KCNH8: variants seen among roughly 807,000 people sequenced by gnomAD.
KCNH8 encodes the protein voltage-gated delayed rectifier potassium channel KCNH8.
In KCNH8, 70 loss-of-function variants were observed where a neutral mutation model predicts 103.6. The observed-to-expected ratio is 0.68, with a 90% CI of 0.56 to 0.82. The LOEUF (loss-of-function observed/expected upper bound fraction) is 0.82. Ranked by LOEUF, KCNH8 falls within the 40% of genes least tolerant of loss-of-function variation. KCNH8 has a pLI of 0.00. For missense variants in KCNH8, 1,217 were observed against 1,329.9 expected (o/e 0.92, Z 1.32); for synonymous variants, 498 against 489.4 (o/e 1.02, Z -0.23).
intron 7 of KCNH8, among the ~76,000 whole-genome samples, chr3:19,423,182 A>C (rs1222939690): frequency 6.6e-6 from 1 of 152,096 alleles, no homozygotes; most frequent in Non-Finnish European, 1.5e-5. Flanking sequence ...CATGACCCTA[A>C]GATAAATCCT....
chr3:19,270,492 G>C (rs1575484160), intron 2 of KCNH8, among the ~76,000 whole-genome samples: 1 of 152,162 alleles, frequency 6.6e-6, no homozygotes, highest in African/African-American at 2.4e-5. Context: ...GGTGTCTGGT[G>C]AGTAACGCAA....
intron 3 of KCNH8, among the ~76,000 whole-genome samples, chr3:19,293,223 C>A (rs1301833534): frequency 6.6e-6 from 1 of 152,140 alleles, no homozygotes; most frequent in Non-Finnish European, 1.5e-5. Flanking sequence ...TCAGGGCCAT[C>A]TGGTCTCAGA....
chr3:19,399,337 G>T (rs1271707261), intron 7 of KCNH8, among the ~76,000 whole-genome samples: 1 of 151,838 alleles, frequency 6.6e-6, no homozygotes, highest in African/African-American at 2.4e-5. Flanking sequence ...AGTAGACCTT[G>T]CATGTTTTCT....
At chr3:19,278,124 G>T (rs1237751950) in intron 2 of KCNH8, among the ~76,000 whole-genome samples, 1 of 152,094 alleles carries the variant, frequency 6.6e-6, no homozygotes, top group Non-Finnish European at 1.5e-5. Flanking sequence ...CATAAGAGGT[G>T]AAAGGTGTCA....
At chr3:19,169,425 T>G (rs1471928265) in intron 1 of KCNH8, among the ~76,000 whole-genome samples, 3 of 152,072 alleles carry the variant, frequency 2.0e-5, no homozygotes, top group Non-Finnish European at 2.9e-5. Flanking sequence ...TTTTTGTATT[T>G]TTAGTAGAGA....
At chr3:19,170,093 T>C (rs1396033137) in intron 1 of KCNH8, among the ~76,000 whole-genome samples, 2 of 152,248 alleles carry the variant, frequency 1.3e-5, no homozygotes, top group Non-Finnish European at 2.9e-5. Context: ...TTTCACTTTA[T>C]GTTAATATTT....
At chr3:19,313,216 A>G (rs889315949) in intron 3 of KCNH8, among the ~76,000 whole-genome samples, 8 of 151,716 alleles carry the variant, frequency 5.3e-5, no homozygotes, top group Admixed American at 1.3e-4. Context: ...GGGGCTTAGG[A>G]TTATTTATGG....
chr3:19,192,285 C>T (rs1256841354), intron 1 of KCNH8, among the ~76,000 whole-genome samples: 1 of 151,680 alleles, frequency 6.6e-6, no homozygotes, highest in Non-Finnish European at 1.5e-5. Flanking sequence ...AGACTTCCTA[C>T]TTTGATAGAA....
intron 15 of KCNH8, among the ~76,000 whole-genome samples, chr3:19,524,431 T>C (rs1301258568): frequency 6.6e-6 from 1 of 151,956 alleles, no homozygotes; most frequent in Non-Finnish European, 1.5e-5. Flanking sequence ...TTTGTGGACA[T>C]AGGCTTTTAA....
At chr3:19,435,628 G>A (rs988240245) in intron 7 of KCNH8, among the ~76,000 whole-genome samples, 1 of 152,076 alleles carries the variant, frequency 6.6e-6, no homozygotes, top group Admixed American at 6.6e-5. Context: ...TGAATTATAG[G>A]TGTGATTAAG....
chr3:19,200,450 A>C (rs1383271244), intron 1 of KCNH8, among the ~76,000 whole-genome samples: 2 of 152,126 alleles, frequency 1.3e-5, no homozygotes, highest in Non-Finnish European at 2.9e-5. Context: ...AAAGCCCTGA[A>C]TATTATGCCA....
At chr3:19,173,104 G>A (rs1453432946) in intron 1 of KCNH8, among the ~76,000 whole-genome samples, 1 of 152,180 alleles carries the variant, frequency 6.6e-6, no homozygotes, top group South Asian at 2.1e-4. Flanking sequence ...TTTGAAAACT[G>A]CAGATTCCCA....
chr3:19,396,821 G>T (rs1402527437), intron 7 of KCNH8, among the ~76,000 whole-genome samples: 2 of 151,990 alleles, frequency 1.3e-5, no homozygotes, highest in Middle Eastern at 3.2e-3. Context: ...ATGGTGTTCA[G>T]TAAATTACAG....
At chr3:19,354,856 G>T (rs2065857125) in intron 5 of KCNH8, among the ~76,000 whole-genome samples, 2 of 152,254 alleles carry the variant, frequency 1.3e-5, no homozygotes, top group South Asian at 2.1e-4. Context: ...AAAAGCAATG[G>T]CAACAAAAGC....
At chr3:19,475,406 T>C (rs1261899014) in intron 11 of KCNH8, among the ~76,000 whole-genome samples, 1 of 152,166 alleles carries the variant, frequency 6.6e-6, no homozygotes, top group Non-Finnish European at 1.5e-5. Context: ...CTGTGATTTT[T>C]CCCAAATTTG....
chr3:19,498,458 G>C (rs1159979074), intron 11 of KCNH8, among the ~76,000 whole-genome samples: 1 of 152,062 alleles, frequency 6.6e-6, no homozygotes, highest in African/African-American at 2.4e-5. Context: ...AATTCCCTCA[G>C]CGCTGACTTG....
intron 8 of KCNH8, among the ~76,000 whole-genome samples, chr3:19,443,345 T>C (rs1304855471): frequency 6.6e-6 from 1 of 150,800 alleles, no homozygotes; most frequent in African/African-American, 2.4e-5. Context: ...CCACCAGAAT[T>C]TCCACAGGAG....
chr3:19,282,557 A>G (rs1461537816), intron 3 of KCNH8, among the ~76,000 whole-genome samples: 1 of 152,208 alleles, frequency 6.6e-6, no homozygotes, highest in Non-Finnish European at 1.5e-5. Flanking sequence ...TAGAAATATA[A>G]CACAATCCTT....
At chr3:19,425,357 C>A (rs2067012887) in intron 7 of KCNH8, among the ~76,000 whole-genome samples, 3 of 152,124 alleles carry the variant, frequency 2.0e-5, no homozygotes, top group African/African-American at 7.2e-5. Context: ...ACTAGGAGGA[C>A]TTAGTATCAC....
Sources: gnomAD v4.1 joint callset for allele counts (sites outside exome capture counted in the v4.1 genomes callset) on GRCh38, gnomAD v4.1.1 for gene constraint, MANE v1.5 for transcripts, NCBI Gene and HGNC (gene_info 2026-07-23, HGNC 2026-07-21) for gene names.